Variants in AGPAT3 observed in about 807,000 individuals in gnomAD.
AGPAT3 encodes the protein 1-acyl-sn-glycerol-3-phosphate acyltransferase gamma.
In AGPAT3, 5 loss-of-function variants were observed where a neutral mutation model predicts 47.3. The ratio of observed to expected loss-of-function variants is 0.11; its 90% CI spans 0.06 to 0.22. The LOEUF is 0.22. AGPAT3 is among the 10% of genes least tolerant of loss of function. The pLI is 1.00. For missense variants in AGPAT3, 315 were observed against 493.0 expected, an observed-to-expected ratio of 0.64 and a Z score of 3.42; for synonymous variants, 212 against 208.3, an observed-to-expected ratio of 1.02 and a Z score of -0.15.
At chr21:43,977,455 C>G (rs567383885) in intron 7 of AGPAT3, among the ~76,000 whole-genome samples, 57 of 152,288 alleles carry the variant, frequency 3.7e-4, no homozygotes, top group African/African-American at 1.3e-3. Context: ...TCGTGGGCAC[C>G]CTGGGGGTTA....
intron 1 of AGPAT3, among the ~76,000 whole-genome samples, chr21:43,882,367 A>G (rs181849944): frequency 6.6e-6 from 1 of 152,282 alleles, no homozygotes; most frequent in Admixed American, 6.5e-5. Context: ...ACGTATTTCC[A>G]TCTGGAAACT....
At chr21:43,951,889 C>T (rs957450872) in intron 2 of AGPAT3, among the ~76,000 whole-genome samples, 4 of 152,100 alleles carry the variant, frequency 2.6e-5, no homozygotes, top group East Asian at 3.8e-4. Flanking sequence ...CATAAAAAGG[C>T]GTCTTCGGAA....
rs1272706871 is a variant in AGPAT3 at position 43,933,200 on chromosome 21, T to C, written c.-48-26434T>C. Among the ~76,000 whole-genome samples, 1 of 152,164 alleles carries C rather than the reference T, an allele frequency of 6.6e-6. No individual in the cohort carries two copies. Among genetic ancestry groups the C allele is most frequent in the Non-Finnish European group, 1.5e-5 (1 of 68,024 alleles). On this transcript the variant is annotated intron_variant, in intron 2 of 9. Coordinates refer to ENST00000291572, the MANE Select transcript of AGPAT3 (RefSeq NM_020132.5). This position sits in a 1 kb window ranked among gnomAD's most constrained non-coding sequence, Gnocchi z 6.0. Reference sequence around the variant, plus strand: ...TCTTCGTTAACCTGCTGGCTGTCGGTGTGGCTCCTTCTGAGGCACAGCCGT... The same window carrying C: ...TCTTCGTTAACCTGCTGGCTGTCGGCGTGGCTCCTTCTGAGGCACAGCCGT...
intron 1 of AGPAT3, among the ~76,000 whole-genome samples, chr21:43,888,313 GAC>G (rs1210047250): frequency 2.0e-5 from 3 of 152,222 alleles, no homozygotes; most frequent in African/African-American, 7.2e-5. Context: ...ATGTTGGAAT[GAC>G]AGGCTTGCAT....
chr21:43,886,187 C>G lies in AGPAT3; in HGVS notation c.-111-17770C>G, dbSNP rs1237979622. 2.6e-5 allele frequency among the ~76,000 whole-genome samples: 4 copies of G among 152,278 alleles called. No homozygotes were observed. The East Asian group carries it at 7.7e-4, about 29-fold the overall frequency. On this transcript the variant is annotated intron_variant, in intron 1 of 9. Transcript: ENST00000291572. ...GGGGAGGGAGTCACCAATATCACCT[C>G]TGCTCCTCCTGGCAGTCCCCCTGCT...
chr21:43,894,233 T>TA lies in AGPAT3; in HGVS notation c.-111-9722dup, dbSNP rs57365159. ...TCTTTCTTTCTTTTTTTTTTTTTTT[T>TA]AACTTCTCTAAAAGAGTTTATGGAA... On this transcript the variant is annotated intron_variant, in intron 1 of 9. Coordinates refer to ENST00000291572, the MANE Select transcript of AGPAT3 (RefSeq NM_020132.5). Among the ~76,000 whole-genome samples, 14 of 151,268 alleles carry TA rather than the reference T, an allele frequency of 9.3e-5. No individual in the cohort carries two copies. In the East Asian group the frequency reaches 1.4e-3, roughly 15 times the overall value.
rs2087603083 is a variant in AGPAT3 at position 43,939,985 on chromosome 21, G to C, written c.-48-19649G>C. On this transcript the variant is annotated intron_variant, in intron 2 of 9. Transcript: ENST00000291572. This position sits in a 1 kb window ranked among gnomAD's most constrained non-coding sequence, Gnocchi z 4.4. ...GAACCTGTGTGTATGTCCTGCTTCA[G>C]CGCGCTCCTGGGGTCCCTTGAGTTG... Among the ~76,000 whole-genome samples, 1 of 152,246 alleles carries C rather than the reference G, an allele frequency of 6.6e-6. No homozygotes were observed. The highest frequency in any genetic ancestry group is 6.5e-5 in the Admixed American group (1 of 15,292).
chr21:43,978,133 C>T lies in AGPAT3; in HGVS notation c.843+12C>T, dbSNP rs764450949. Reference sequence around the variant, plus strand: ...TGTACCAGGAGAAGGTAAGCAGGCTCTGCTCCCGCTCAGGGTCCCGGTCTC... The same window carrying T: ...TGTACCAGGAGAAGGTAAGCAGGCTTTGCTCCCGCTCAGGGTCCCGGTCTC... On this transcript the variant is annotated intron_variant, in intron 8 of 9. Transcript: ENST00000291572. 2.2e-5 allele frequency: 36 copies of T among 1,611,526 alleles called. No homozygotes were observed. Among genetic ancestry groups the T allele is most frequent in the Non-Finnish European group, 3.1e-5 (36 of 1,179,234 alleles).
intron 1 of AGPAT3, among the ~76,000 whole-genome samples, chr21:43,882,192 G>A (rs554681454): frequency 4.3e-4 from 65 of 152,358 alleles, no homozygotes; most frequent in African/African-American, 1.5e-3. Flanking sequence ...CCGCCCTGCC[G>A]GGCCCCACAT....
intron 2 of AGPAT3, among the ~76,000 whole-genome samples, chr21:43,927,596 A>T (rs2087099282): frequency 6.6e-6 from 1 of 152,244 alleles, no homozygotes; most frequent in Non-Finnish European, 1.5e-5. Flanking sequence ...AAGTGTTCTC[A>T]GCTGATGGGA....
chr21:43,903,799 A>C (rs537324635), intron 1 of AGPAT3, 158 bp from the exon 2 acceptor site: 51 of 152,354 alleles, frequency 3.3e-4, no homozygotes, highest in African/African-American at 1.2e-3. Flanking sequence ...TGTTTAAGTG[A>C]CGGAGTGTTT....
chr21:43,873,578 A>G (rs964105363), intron 1 of AGPAT3, among the ~76,000 whole-genome samples: 3 of 152,218 alleles, frequency 2.0e-5, no homozygotes, highest in South Asian at 4.2e-4. Context: ...GGGTTTCACC[A>G]TGTTGGCCAG....
chr21:43,975,874 A>G (rs1005363986), intron 7 of AGPAT3, among the ~76,000 whole-genome samples: 1 of 152,030 alleles, frequency 6.6e-6, no homozygotes, highest in Admixed American at 6.6e-5. Context: ...TCCTTAGCAA[A>G]GTGATTCTCT....
intron 2 of AGPAT3, among the ~76,000 whole-genome samples, chr21:43,907,731 C>G (rs374753211): frequency 6.6e-6 from 1 of 152,052 alleles, no homozygotes; most frequent in Non-Finnish European, 1.5e-5. Context: ...ACAACAACAA[C>G]AAAAAAACCG....
In AGPAT3 at chr21:43,987,415, C is replaced by T. The variant is rs11909005; in HGVS notation, c.*5023C>T. On this transcript the variant is annotated 3_prime_UTR_variant, in exon 10 of 10. Coordinates refer to ENST00000291572, the MANE Select transcript of AGPAT3 (RefSeq NM_020132.5). ...AGTCCACAAAAATACGCAAAATGACCTGATGATGTCCAAAAAAGGGTTTTA... is the reference window on the plus strand; with the variant it reads ...AGTCCACAAAAATACGCAAAATGACTTGATGATGTCCAAAAAAGGGTTTTA... 8.5e-5 allele frequency among the ~76,000 whole-genome samples: 13 copies of T among 152,264 alleles called. No homozygotes were observed. In the East Asian group the frequency reaches 2.5e-3, roughly 29 times the overall value.
At chr21:43,980,447 A>T (rs1247571457) in intron 8 of AGPAT3, among the ~76,000 whole-genome samples, 3 of 152,224 alleles carry the variant, frequency 2.0e-5, no homozygotes, top group Non-Finnish European at 2.9e-5. Flanking sequence ...TTCCCACCAG[A>T]GGCAGAACCT....
intron 2 of AGPAT3, among the ~76,000 whole-genome samples, chr21:43,945,253 G>A (rs1214520704): frequency 4.6e-5 from 7 of 152,134 alleles, no homozygotes; most frequent in East Asian, 3.8e-4. Flanking sequence ...TCCCGGGGTC[G>A]CACCTTGGCT....
chr21:43,894,217 C>CTTTTTTTTTTTTT (rs11370715), intron 1 of AGPAT3, among the ~76,000 whole-genome samples: 1 of 140,228 alleles, frequency 7.1e-6, no homozygotes. Context: ...TTCTTTCTTT[C>CTTTTTTTTTTTTT]TTTTTTTTTT....
intron 5 of AGPAT3, 112 bp downstream of exon 5, chr21:43,969,391 A>G: frequency 8.7e-6 from 12 of 1,386,276 alleles, no homozygotes; most frequent in Non-Finnish European, 1.2e-5. Context: ...GCCTCTGCAC[A>G]TGGGGTGCTG....
Sources: gnomAD v4.1 joint callset for allele counts (sites outside exome capture counted in the v4.1 genomes callset) on GRCh38, gnomAD v4.1.1 for gene constraint, Gnocchi (gnomAD v3.1) non-coding constraint, MANE v1.5 for transcripts, NCBI Gene and HGNC (gene_info 2026-07-23, HGNC 2026-07-21) for gene names.